The following ZBTB7C variants were observed in gnomAD, a reference collection of about 807,000 sequenced individuals.
The protein encoded by ZBTB7C is zinc finger and BTB domain-containing protein 7C.
In ZBTB7C, 8 loss-of-function variants were observed where a neutral mutation model predicts 25.7. That is an observed-to-expected ratio of 0.31 (90% CI 0.18 to 0.56). The LOEUF (loss-of-function observed/expected upper bound fraction) is 0.56. Ranked by LOEUF, ZBTB7C falls within the 20% of genes least tolerant of loss-of-function variation. The probability of loss-of-function intolerance (pLI) is 0.91; values close to 1 mark genes in which losing one functional copy is unlikely to be tolerated. For missense variants in ZBTB7C, 824 were observed against 855.2 expected (o/e 0.96, Z 0.46); for synonymous variants, 394 against 369.0 (o/e 1.07, Z -0.78).
intron 3 of ZBTB7C, among the ~76,000 whole-genome samples, chr18:48,135,714 C>T (rs987922848): frequency 3.3e-5 from 5 of 152,190 alleles, no homozygotes; most frequent in African/African-American, 1.2e-4. Flanking sequence ...AAACTTGAAC[C>T]TGGCAGAGCC....
At chr18:48,216,958 T>C (rs1475432177) in intron 2 of ZBTB7C, among the ~76,000 whole-genome samples, 1 of 152,106 alleles carries the variant, frequency 6.6e-6, no homozygotes, top group Non-Finnish European at 1.5e-5. Flanking sequence ...GGTGTCCTTA[T>C]AAAAAGGGGA....
At chr18:48,165,164 G>T (rs1176942799) in intron 3 of ZBTB7C, 1 of 1,281,436 alleles carries the variant, frequency 7.8e-7, no homozygotes, top group African/African-American at 1.5e-5. Context: ...GAAATTTGCA[G>T]TCCAGGAAGG....
intron 2 of ZBTB7C, among the ~76,000 whole-genome samples, chr18:48,193,365 C>T (rs570252708): frequency 0.029 from 4,333 of 151,922 alleles, 74 homozygotes; most frequent in Non-Finnish European, 0.042. Context: ...CTAGACTCTG[C>T]CCAGCCTTTT....
chr18:48,298,235 G>A (rs1281514997), intron 2 of ZBTB7C, among the ~76,000 whole-genome samples: 2 of 150,380 alleles, frequency 1.3e-5, no homozygotes, highest in Non-Finnish European at 2.9e-5. Flanking sequence ...AGCCAAGATC[G>A]AGCCACTGCA....
In ZBTB7C at chr18:48,284,445, GA is replaced by G. The variant is rs2044972014; in HGVS notation, c.-79+53728del. Among the ~76,000 whole-genome samples the G allele has an allele frequency of 4.7e-5, 7 of 149,250 alleles. 1 individual carries two copies. Among genetic ancestry groups the G allele is most frequent in the Admixed American group, 4.7e-4 (7 of 15,004 alleles). On this transcript the variant is annotated intron_variant, in intron 2 of 4. Transcript: ENST00000590800. ...CAGAGTGAGACCCTGTTAAGAAAGA[GA>G]GAGGGAAAGGGAGGGAGGGAGGGGC...
intron 3 of ZBTB7C, among the ~76,000 whole-genome samples, chr18:48,140,211 C>T (rs1197292208): frequency 6.6e-6 from 1 of 152,220 alleles, no homozygotes; most frequent in Non-Finnish European, 1.5e-5. Context: ...GTAATGTAGG[C>T]ACACAAACAG....
At chr18:48,407,651 A>C (rs1335334045) in intron 1 of ZBTB7C, among the ~76,000 whole-genome samples, 1 of 152,100 alleles carries the variant, frequency 6.6e-6, no homozygotes, top group Non-Finnish European at 1.5e-5. Flanking sequence ...CTTGGGCCTG[A>C]GTTTGCTCAT....
At chr18:48,107,305 G>A (rs1174675792) in intron 3 of ZBTB7C, among the ~76,000 whole-genome samples, 2 of 107,470 alleles carry the variant, frequency 1.9e-5, no homozygotes, top group Non-Finnish European at 4.6e-5. Flanking sequence ...GAGGAGTGAG[G>A]AGGGATGGGA....
intron 2 of ZBTB7C, among the ~76,000 whole-genome samples, chr18:48,271,478 TAAATC>T (rs1224394727): frequency 6.7e-6 from 1 of 148,574 alleles, no homozygotes; most frequent in South Asian, 2.1e-4. Flanking sequence ...ATATGATACA[TAAATC>T]AAATAAATAT....
chr18:48,197,678 C>A (rs2042348633), intron 2 of ZBTB7C, among the ~76,000 whole-genome samples: 1 of 152,202 alleles, frequency 6.6e-6, no homozygotes, highest in African/African-American at 2.4e-5. Context: ...ACACCATCTT[C>A]TCACTGTGCC....
intron 3 of ZBTB7C, among the ~76,000 whole-genome samples, chr18:48,103,342 T>G (rs934602296): frequency 6.6e-6 from 1 of 151,856 alleles, no homozygotes; most frequent in East Asian, 1.9e-4. Context: ...GATTGTTCAA[T>G]TGAGAGAAAA....
intron 1 of ZBTB7C, among the ~76,000 whole-genome samples, chr18:48,361,808 GAA>G (rs1327431822): frequency 6.6e-6 from 1 of 152,220 alleles, no homozygotes; most frequent in Non-Finnish European, 1.5e-5. Context: ...CGAGGTGGAG[GAA>G]AAGACAATCC....
At chr18:48,167,571 T>C (rs2041299365) in intron 3 of ZBTB7C, among the ~76,000 whole-genome samples, 1 of 150,448 alleles carries the variant, frequency 6.6e-6, no homozygotes, top group Non-Finnish European at 1.5e-5. Context: ...AGGGTGTGTG[T>C]GTGTGTGTGT....
At position 48,227,200 on chromosome 18, in the gene ZBTB7C, A is replaced by G. The variant is rs138212086; in HGVS notation, c.-78-41205T>C. Among the ~76,000 whole-genome samples the G allele has an allele frequency of 2.3e-3, 352 of 152,320 alleles. 2 individuals carry two copies. Among genetic ancestry groups the G allele is most frequent in the African/African-American group, 7.6e-3 (314 of 41,578 alleles). ...GGAGGGCTTGGACAAGCATCCACGA[A>G]CTGAAAGGCCACTGTATTCTGTTTA... is the stretch of plus-strand genomic sequence containing the variant. On this transcript the variant is annotated intron_variant, in intron 2 of 4. Transcript: ENST00000590800.
At chr18:48,174,410 G>T (rs754301662) in intron 3 of ZBTB7C, among the ~76,000 whole-genome samples, 1 of 152,248 alleles carries the variant, frequency 6.6e-6, no homozygotes, top group South Asian at 2.1e-4. Flanking sequence ...TTACCAGTGA[G>T]ATTGGCAAGA....
intron 3 of ZBTB7C, among the ~76,000 whole-genome samples, chr18:48,082,811 G>C (rs2038042702): frequency 6.6e-6 from 1 of 152,182 alleles, no homozygotes; most frequent in Non-Finnish European, 1.5e-5. Context: ...AGAGCAGGTT[G>C]CTTTGATGGA....
At chr18:48,064,048 T>C (rs894352957) in intron 3 of ZBTB7C, among the ~76,000 whole-genome samples, 1 of 152,152 alleles carries the variant, frequency 6.6e-6, no homozygotes, top group Admixed American at 6.5e-5. Context: ...ATTTGAGCAA[T>C]ATGGCCATGA....
At chr18:48,167,597 T>TGTGTGTGTGTGTGTGTGTGTGC (rs779870966) in intron 3 of ZBTB7C, among the ~76,000 whole-genome samples, 2,220 of 148,068 alleles carry the variant, frequency 0.015, 31 homozygotes, top group Middle Eastern at 0.062. Flanking sequence ...TGTGTGTGTG[T>TGTGTGTGTGTGTGTGTGTGTGC]GCGCGCGTGC....
chr18:48,238,566 T>C (rs2043440118), intron 2 of ZBTB7C, among the ~76,000 whole-genome samples: 1 of 152,022 alleles, frequency 6.6e-6, no homozygotes, highest in Non-Finnish European at 1.5e-5. Context: ...AGAGCTGAAA[T>C]AAATTTAGAG....
Sources: gnomAD v4.1 joint callset for allele counts (sites outside exome capture counted in the v4.1 genomes callset) on GRCh38, gnomAD v4.1.1 for gene constraint, MANE v1.5 for transcripts, NCBI Gene and HGNC (gene_info 2026-07-23, HGNC 2026-07-21) for gene names.